Variants in TCF4 observed in about 807,000 individuals in gnomAD.
TCF4 encodes the protein SL3-3 enhancer factor 2.
TCF4 carries 3 observed loss-of-function variants against 82.1 expected under a neutral mutation model. That is an observed-to-expected ratio of 0.04 (90% CI 0.02 to 0.09). TCF4 has a LOEUF of 0.09. TCF4 is among the 10% of genes least tolerant of loss of function. TCF4 has a pLI of 1.00. For synonymous variants in TCF4, 276 were observed against 309.6 expected (o/e 0.89, Z 1.14); for missense variants, 518 against 852.7 (o/e 0.61, Z 4.89).
intron 8 of TCF4, among the ~76,000 whole-genome samples, chr18:55,319,516 A>AT (rs1211074313): frequency 6.6e-6 from 1 of 151,830 alleles, no homozygotes; most frequent in Non-Finnish European, 1.5e-5. Flanking sequence ...CCAAATGGCT[A>AT]TTTTTTTTCT....
chr18:55,481,554 A>C (rs538818701), intron 3 of TCF4, among the ~76,000 whole-genome samples: 1 of 152,366 alleles, frequency 6.6e-6, no homozygotes, highest in Admixed American at 6.5e-5. Context: ...AGTGAAGAAC[A>C]CCTGGATTTC....
chr18:55,315,371 A>G (rs1237032617), intron 8 of TCF4, among the ~76,000 whole-genome samples: 1 of 152,190 alleles, frequency 6.6e-6, no homozygotes, highest in Non-Finnish European at 1.5e-5. Context: ...GAAGAATAGG[A>G]AGAAAACTAG....
intron 2 of TCF4, among the ~76,000 whole-genome samples, chr18:55,606,705 C>G (rs375178067): frequency 3.9e-4 from 59 of 152,158 alleles, no homozygotes; most frequent in African/African-American, 1.3e-3. Context: ...TAAAATAAAC[C>G]AATAATCAGA....
intron 5 of TCF4, among the ~76,000 whole-genome samples, chr18:55,457,946 C>A (rs2095797961): frequency 6.6e-6 from 1 of 151,874 alleles, no homozygotes; most frequent in Admixed American, 6.6e-5. Flanking sequence ...TTGTATACTG[C>A]CATAAAGAAC....
intron 3 of TCF4, among the ~76,000 whole-genome samples, chr18:55,537,286 C>A (rs1387714773): frequency 6.6e-6 from 1 of 151,776 alleles, no homozygotes; most frequent in African/African-American, 2.4e-5. Flanking sequence ...AGTTCCTTCC[C>A]TTTTTGCCCA....
chr18:55,268,145 G>T (rs1405234022), intron 11 of TCF4: 1 of 151,826 alleles, frequency 6.6e-6, no homozygotes, highest in Non-Finnish European at 1.5e-5. Flanking sequence ...ATCAGAAAAA[G>T]TTTTTTTTCA....
At chr18:55,388,123 T>C (rs1459501831) in intron 6 of TCF4, among the ~76,000 whole-genome samples, 1 of 152,236 alleles carries the variant, frequency 6.6e-6, no homozygotes, top group Non-Finnish European at 1.5e-5. Context: ...CTGTCATTCA[T>C]TTTTTATGTC....
At chr18:55,229,334 C>G in intron 17 of TCF4, 1 of 518,252 alleles carries the variant, frequency 1.9e-6, no homozygotes, top group South Asian at 2.0e-5. Flanking sequence ...AGTTAGAGTG[C>G]AGGGTGTGCC....
chr18:55,530,463 A>G (rs982882366), intron 3 of TCF4, among the ~76,000 whole-genome samples: 3 of 150,506 alleles, frequency 2.0e-5, no homozygotes, highest in Admixed American at 6.7e-5. Flanking sequence ...TATAGAAGAA[A>G]CAGAGAGAGT....
intron 9 of TCF4, 118 bp from the exon 10 acceptor site, chr18:55,275,870 T>C: frequency 7.7e-7 from 1 of 1,299,806 alleles, no homozygotes; most frequent in Non-Finnish European, 1.1e-6. Context: ...TTGTGTTGGT[T>C]AGCTGATTAC....
At chr18:55,469,606 A>G (rs1246637987) in intron 3 of TCF4, 2 of 152,232 alleles carry the variant, frequency 1.3e-5, no homozygotes, top group Non-Finnish European at 2.9e-5. Flanking sequence ...CACATTCATT[A>G]CACTTGTAAT....
At chr18:55,391,941 G>GA (rs1320728247) in intron 6 of TCF4, among the ~76,000 whole-genome samples, 113 of 47,970 alleles carry the variant, frequency 2.4e-3, no homozygotes, top group Non-Finnish European at 3.1e-3. Flanking sequence ...TCATCTAAAA[G>GA]AAAAAAAAAA....
intron 3 of TCF4, among the ~76,000 whole-genome samples, chr18:55,520,046 C>T (rs563335819): frequency 2.0e-5 from 3 of 152,236 alleles, no homozygotes; most frequent in Admixed American, 2.0e-4. Context: ...CAAATACACT[C>T]ATCAACAATT....
chr18:55,456,545 T>C (rs1355070780), intron 5 of TCF4, among the ~76,000 whole-genome samples: 1 of 152,210 alleles, frequency 6.6e-6, no homozygotes, highest in Non-Finnish European at 1.5e-5. Context: ...ATCCTCAATC[T>C]AGCTTTCAAT....
At chr18:55,511,607 G>A (rs760864602) in intron 3 of TCF4, among the ~76,000 whole-genome samples, 7 of 152,000 alleles carry the variant, frequency 4.6e-5, no homozygotes, top group African/African-American at 7.3e-5. Context: ...AATACCCTGA[G>A]TGATTACAAA....
intron 8 of TCF4, chr18:55,284,409 C>T (rs1417905948): frequency 6.8e-6 from 1 of 148,106 alleles, no homozygotes; most frequent in Non-Finnish European, 1.5e-5. Flanking sequence ...AAGATTCCGT[C>T]TCAAAAAAAA....
intron 3 of TCF4, among the ~76,000 whole-genome samples, chr18:55,525,646 C>A (rs1253836964): frequency 6.6e-6 from 1 of 152,152 alleles, no homozygotes; most frequent in Non-Finnish European, 1.5e-5. Flanking sequence ...GTGCTACCTT[C>A]CTATTAAAAT....
At chr18:55,547,339 A>G (rs2097215556) in intron 3 of TCF4, among the ~76,000 whole-genome samples, 1 of 152,218 alleles carries the variant, frequency 6.6e-6, no homozygotes, top group Admixed American at 6.5e-5. Context: ...TATTCTGGGA[A>G]GACAATTTCT....
At chr18:55,302,137 C>T (rs1243416690) in intron 8 of TCF4, among the ~76,000 whole-genome samples, 1 of 152,232 alleles carries the variant, frequency 6.6e-6, no homozygotes, top group Non-Finnish European at 1.5e-5. Context: ...AAGACCTGAA[C>T]AAGGTGGCAC....
Sources: gnomAD v4.1 joint callset for allele counts (sites outside exome capture counted in the v4.1 genomes callset) on GRCh38, gnomAD v4.1.1 for gene constraint, MANE v1.5 for transcripts, NCBI Gene and HGNC (gene_info 2026-07-23, HGNC 2026-07-21) for gene names.